The following GALNT13 variants were observed in gnomAD, a reference collection of about 807,000 sequenced individuals.
GALNT13 encodes polypeptide N-acetylgalactosaminyltransferase 13, also known as UDP-GalNAc:polypeptide N-acetylgalactosaminyltransferase 13.
A neutral mutation model predicts 64.2 loss-of-function variants in GALNT13; 28 were observed. The ratio of observed to expected loss-of-function variants is 0.44; its 90% CI spans 0.32 to 0.60. The LOEUF is 0.60. Among genes scored for constraint, GALNT13 ranks in the 20% least tolerant of loss-of-function variants. The probability of loss-of-function intolerance (pLI) is 0.05; values close to 1 mark genes in which losing one functional copy is unlikely to be tolerated. For missense variants in GALNT13, 577 were observed against 669.8 expected (o/e 0.86, Z 1.53); for synonymous variants, 214 against 224.6 (o/e 0.95, Z 0.42).
At chr2:153,463,992 A>T in the GALNT13 span, among the ~76,000 whole-genome samples, 1 of 152,078 alleles carries the variant, frequency 6.6e-6, no homozygotes, top group East Asian at 1.9e-4. Context: ...AAGCCAGGAC[A>T]TATGAGTAGA....
chr2:154,413,619 G>A (rs1991081), intron 11 of GALNT13, among the ~76,000 whole-genome samples: 90,486 of 151,730 alleles, frequency 0.6, 27,504 homozygotes, highest in East Asian at 0.72. Context: ...TACGTCTCAT[G>A]ATTTCTCATT....
chr2:153,118,116 C>CACACAT, the GALNT13 span, among the ~76,000 whole-genome samples: 2,470 of 147,384 alleles, frequency 0.017, 51 homozygotes, highest in South Asian at 0.056. Flanking sequence ...CCAACACACA[C>CACACAT]ACACACACAC....
chr2:153,529,683 G>A, the GALNT13 span, among the ~76,000 whole-genome samples: 2 of 151,586 alleles, frequency 1.3e-5, no homozygotes, highest in African/African-American at 4.8e-5. Flanking sequence ...CAAATTCAAC[G>A]GTATGTGGAA....
chr2:153,098,349 C>T, the GALNT13 span, among the ~76,000 whole-genome samples: 1 of 152,126 alleles, frequency 6.6e-6, no homozygotes, highest in Non-Finnish European at 1.5e-5. Context: ...CCTTGGCTCC[C>T]AGCTTATTTA....
the GALNT13 span, among the ~76,000 whole-genome samples, chr2:153,672,291 C>T: frequency 1.2e-4 from 19 of 152,114 alleles, no homozygotes; most frequent in Non-Finnish European, 2.4e-4. Flanking sequence ...AAATTGACCA[C>T]ATAATTGGAA....
chr2:153,251,869 A>G, the GALNT13 span, among the ~76,000 whole-genome samples: 1 of 151,848 alleles, frequency 6.6e-6, no homozygotes, highest in Non-Finnish European at 1.5e-5. Flanking sequence ...CCAGTCTATC[A>G]TTATTGGACA....
chr2:154,181,530 G>A (rs1685958000), intron 4 of GALNT13, among the ~76,000 whole-genome samples: 1 of 152,006 alleles, frequency 6.6e-6, no homozygotes, highest in Admixed American at 6.6e-5. Context: ...AAGTTGAAAT[G>A]AAACAATGCT....
chr2:153,427,559 G>GA, the GALNT13 span, among the ~76,000 whole-genome samples: 1 of 151,968 alleles, frequency 6.6e-6, no homozygotes, highest in Non-Finnish European at 1.5e-5. Context: ...TTAGCCTTGG[G>GA]AAAAAAGATG....
the GALNT13 span, among the ~76,000 whole-genome samples, chr2:153,128,726 G>A: frequency 6.6e-6 from 1 of 152,100 alleles, no homozygotes; most frequent in Non-Finnish European, 1.5e-5. Context: ...CCAAGTCTGG[G>A]CAATTTACAA....
the GALNT13 span, among the ~76,000 whole-genome samples, chr2:153,308,978 A>G: frequency 1.3e-5 from 2 of 152,146 alleles, no homozygotes; most frequent in African/African-American, 4.8e-5. Flanking sequence ...GGCTTTGTCC[A>G]TAGCAGTTGA....
chr2:153,139,603 A>G, the GALNT13 span, among the ~76,000 whole-genome samples: 1 of 152,008 alleles, frequency 6.6e-6, no homozygotes, highest in East Asian at 1.9e-4. Flanking sequence ...GATGGGTAAG[A>G]AGGACAGTTC....
At chr2:153,330,414 C>T in the GALNT13 span, among the ~76,000 whole-genome samples, 1 of 151,902 alleles carries the variant, frequency 6.6e-6, no homozygotes, top group South Asian at 2.1e-4. Flanking sequence ...AAATATCCTC[C>T]ATTTGTTTGT....
the GALNT13 span, among the ~76,000 whole-genome samples, chr2:153,784,894 G>T: frequency 6.6e-6 from 1 of 152,098 alleles, no homozygotes; most frequent in Non-Finnish European, 1.5e-5. Context: ...GTTGCCTTGG[G>T]GCTCTGGGGA....
intron 4 of GALNT13, among the ~76,000 whole-genome samples, chr2:154,211,084 T>C (rs2105799958): frequency 6.6e-6 from 1 of 152,282 alleles, no homozygotes; most frequent in East Asian, 1.9e-4. Context: ...TAGGGCTTTA[T>C]ATAGAAATGT....
chr2:153,287,793 A>G, the GALNT13 span, among the ~76,000 whole-genome samples: 1 of 152,158 alleles, frequency 6.6e-6, no homozygotes, highest in Non-Finnish European at 1.5e-5. Flanking sequence ...CTGTAAGCAC[A>G]GGATGGGGGC....
At chr2:153,288,779 C>T in the GALNT13 span, among the ~76,000 whole-genome samples, 1 of 152,122 alleles carries the variant, frequency 6.6e-6, no homozygotes, top group East Asian at 1.9e-4. Flanking sequence ...TAGAAAAAAA[C>T]TTAGTAAATG....
At chr2:153,313,579 G>A in the GALNT13 span, among the ~76,000 whole-genome samples, 1 of 152,002 alleles carries the variant, frequency 6.6e-6, no homozygotes, top group African/African-American at 2.4e-5. Context: ...AGAGGATCAG[G>A]AAAAATAACT....
chr2:153,978,449 T>C (rs1295293274), intron 3 of GALNT13, among the ~76,000 whole-genome samples: 1 of 152,148 alleles, frequency 6.6e-6, no homozygotes, highest in African/African-American at 2.4e-5. Context: ...TCAACTTGAA[T>C]TGTATCTCCT....
At chr2:153,653,320 C>G in the GALNT13 span, among the ~76,000 whole-genome samples, 1 of 152,106 alleles carries the variant, frequency 6.6e-6, no homozygotes, top group Non-Finnish European at 1.5e-5. Context: ...AATTGCCCTT[C>G]AGAGAGTCCT....
Sources: gnomAD v4.1 joint callset for allele counts (sites outside exome capture counted in the v4.1 genomes callset) on GRCh38, gnomAD v4.1.1 for gene constraint, MANE v1.5 for transcripts, NCBI Gene and HGNC (gene_info 2026-07-23, HGNC 2026-07-21) for gene names.